The following PAMR1 variants were observed in gnomAD, a reference collection of about 807,000 sequenced individuals.
The protein encoded by PAMR1 is inactive serine protease PAMR1.
In PAMR1, 88 loss-of-function variants were observed where a neutral mutation model predicts 81.8. That is an observed-to-expected ratio of 1.08 (90% CI 0.91 to 1.28). The LOEUF is 1.28. Among genes scored for constraint, PAMR1 ranks in the 50% most tolerant of loss-of-function variants. PAMR1 has a pLI of 0.00. For missense variants in PAMR1, 935 were observed against 919.7 expected, an observed-to-expected ratio of 1.02 and a Z score of -0.21; for synonymous variants, 336 against 345.3, an observed-to-expected ratio of 0.97 and a Z score of 0.30.
intron 1 of PAMR1, among the ~76,000 whole-genome samples, chr11:35,516,894 G>T (rs974561319): frequency 2.6e-5 from 4 of 152,126 alleles, no homozygotes; most frequent in African/African-American, 9.7e-5. Context: ...GACAATGCAG[G>T]GGGCAGCTCA....
At chr11:35,499,349 G>T (rs1850787653) in intron 1 of PAMR1, among the ~76,000 whole-genome samples, 1 of 152,086 alleles carries the variant, frequency 6.6e-6, no homozygotes, top group Non-Finnish European at 1.5e-5. Flanking sequence ...ATGCCCATGG[G>T]GTGTGGCTCA....
upstream of PAMR1, among the ~76,000 whole-genome samples, chr11:35,528,137 A>G (rs1019695747): frequency 2.6e-5 from 4 of 152,108 alleles, no homozygotes; most frequent in Non-Finnish European, 5.9e-5. Flanking sequence ...CCACCCCCAA[A>G]TATGCCCCTT....
chr11:35,444,778 C>T (rs571876986), intron 6 of PAMR1, among the ~76,000 whole-genome samples: 1 of 152,242 alleles, frequency 6.6e-6, no homozygotes, highest in Admixed American at 6.5e-5. Flanking sequence ...TAGTGTGATG[C>T]CTTCAGCTTC....
At chr11:35,525,811 C>G, upstream of PAMR1, 2 of 574,554 alleles carry the variant, frequency 3.5e-6, no homozygotes, top group Non-Finnish European at 6.2e-6. Context: ...TGCGGGGCCC[C>G]GGGAGGTGTG....
At chr11:35,501,133 CTTTTTT>C (rs34831742) in intron 1 of PAMR1, among the ~76,000 whole-genome samples, 2 of 135,592 alleles carry the variant, frequency 1.5e-5, no homozygotes. Flanking sequence ...CTTTTTTTTT[CTTTTTT>C]TTTTTTTTTG....
At position 35,432,519 on chromosome 11, in the gene PAMR1, C is replaced by A. The variant is rs564715351; in HGVS notation, c.2000G>T (p.Gly667Val). The change falls in exon 11 of 11, where the codon GGC becomes GTC. Residue 667 changes from glycine (G) to valine (V), a missense_variant. Physicochemically the swap from Gly to Val is moderately radical, Grantham distance 109. Transcript: ENST00000619888. Reference protein sequence around the residue: ...PSDICTAETGGIAAVSFPGRA... With the variant: ...PSDICTAETGVIAAVSFPGRA... Reference sequence around the variant, plus strand: ...TCCCGGGAAGGACACAGCCGCGATGCCTCCTGTCTCTGCAGTGCAGATATC... The same window carrying A: ...TCCCGGGAAGGACACAGCCGCGATGACTCCTGTCTCTGCAGTGCAGATATC... The A allele has an allele frequency of 8.1e-6, 13 of 1,614,264 alleles. No homozygotes were observed. In the African/African-American group the frequency reaches 1.6e-4, roughly 20 times the overall value.
chr11:35,484,585 C>T (rs528735264), intron 3 of PAMR1, among the ~76,000 whole-genome samples: 3 of 152,352 alleles, frequency 2.0e-5, no homozygotes, highest in East Asian at 1.9e-4. Context: ...TCTTCCTCTC[C>T]GATAACTCAC....
In PAMR1 at chr11:35,435,946, C is replaced by T; in HGVS notation, c.1290G>A (p.Leu430=). The part of the protein sequence containing the change: ...RRLGSSRRTC[L]RTGKWSGRAP... ...CCCGCCCACTCCACTTCCCAGTCCTCAGACATGTCCTCCTGCTGCTGCCCA... is the reference window on the plus strand; with the variant it reads ...CCCGCCCACTCCACTTCCCAGTCCTTAGACATGTCCTCCTGCTGCTGCCCA... Residue 430 remains leucine (L), a synonymous_variant, in exon 9 of 11, where the codon CTG becomes CTA. Coordinates refer to ENST00000619888, the MANE Select transcript of PAMR1 (RefSeq NM_001001991.3). The T allele has an allele frequency of 1.2e-6, 2 of 1,614,220 alleles. No individual in the cohort carries two copies. Among genetic ancestry groups the T allele is most frequent in the Non-Finnish European group, 8.5e-7 (1 of 1,180,040 alleles).
At chr11:35,436,994 G>T (rs1024274972) in intron 8 of PAMR1, among the ~76,000 whole-genome samples, 2 of 152,202 alleles carry the variant, frequency 1.3e-5, no homozygotes, top group Non-Finnish European at 2.9e-5. Flanking sequence ...ACAGTAGCTT[G>T]ATTTAGCAAT....
At chr11:35,463,252 G>A (rs1856694957) in intron 6 of PAMR1, among the ~76,000 whole-genome samples, 1 of 152,150 alleles carries the variant, frequency 6.6e-6, no homozygotes, top group African/African-American at 2.4e-5. Flanking sequence ...AGGCCAGTGG[G>A]AACCTTCAGA....
At chr11:35,517,769 G>A (rs1851194005) in intron 1 of PAMR1, among the ~76,000 whole-genome samples, 1 of 152,214 alleles carries the variant, frequency 6.6e-6, no homozygotes, top group African/African-American at 2.4e-5. Flanking sequence ...TAGATTGCAA[G>A]TGCCTTCAGA....
intron 6 of PAMR1, among the ~76,000 whole-genome samples, chr11:35,443,346 G>A (rs1856217873): frequency 6.6e-6 from 1 of 152,042 alleles, no homozygotes. Flanking sequence ...TGTTTATCCT[G>A]ATGCTCTCCC....
At chr11:35,509,981 C>T (rs989044579) in intron 1 of PAMR1, among the ~76,000 whole-genome samples, 3 of 152,218 alleles carry the variant, frequency 2.0e-5, no homozygotes, top group Non-Finnish European at 4.4e-5. Flanking sequence ...ATAGACCCCA[C>T]ACTGGGATAA....
At chr11:35,443,907 G>A (rs1486551859) in intron 6 of PAMR1, among the ~76,000 whole-genome samples, 2 of 152,234 alleles carry the variant, frequency 1.3e-5, no homozygotes, top group African/African-American at 4.8e-5. Context: ...CGACTGGCAT[G>A]AGATAGTATC....
chr11:35,456,373 G>T (rs967511519), intron 6 of PAMR1, among the ~76,000 whole-genome samples: 1 of 152,194 alleles, frequency 6.6e-6, no homozygotes, highest in African/African-American at 2.4e-5. Context: ...ATTGCAGTGG[G>T]TTCATACCAC....
intron 3 of PAMR1, among the ~76,000 whole-genome samples, chr11:35,476,966 A>AATTAAGCTT (rs1187365839): frequency 6.6e-6 from 1 of 152,008 alleles, no homozygotes; most frequent in Non-Finnish European, 1.5e-5. Flanking sequence ...TTCCTGTAAG[A>AATTAAGCTT]ATTAAGCTTA....
At chr11:35,497,573 C>T (rs1176046844) in intron 1 of PAMR1, among the ~76,000 whole-genome samples, 1 of 152,164 alleles carries the variant, frequency 6.6e-6, no homozygotes, top group Non-Finnish European at 1.5e-5. Flanking sequence ...TTTTCTTAGC[C>T]TTCTCTATCC....
intron 6 of PAMR1, among the ~76,000 whole-genome samples, chr11:35,449,355 G>A (rs1019987118): frequency 1.2e-4 from 18 of 152,214 alleles, no homozygotes; most frequent in South Asian, 2.1e-4. Flanking sequence ...GATCATGACC[G>A]CCTCCCCACA....
chr11:35,473,209 A>G (rs1160177068), intron 4 of PAMR1, among the ~76,000 whole-genome samples: 1 of 152,202 alleles, frequency 6.6e-6, no homozygotes, highest in Non-Finnish European at 1.5e-5. Context: ...CTATGCTTCC[A>G]AGTATTTCCA....
Sources: allele counts gnomAD v4.1 joint callset (sites outside exome capture counted in the v4.1 genomes callset), GRCh38; gene constraint gnomAD v4.1.1; transcripts MANE v1.5; gene names NCBI Gene and HGNC (gene_info 2026-07-23, HGNC 2026-07-21).